CRISP2: variants seen among roughly 807,000 people sequenced by gnomAD.
The protein encoded by CRISP2 is cysteine rich secretory protein 2.
Under a neutral mutation model 31.7 loss-of-function variants are expected in CRISP2, and 29 were observed. The ratio of observed to expected loss-of-function variants is 0.92; its 90% CI spans 0.68 to 1.25. The LOEUF is 1.25. Ranked by LOEUF, CRISP2 falls within the 50% of genes most tolerant of loss-of-function variation. The pLI, the probability that CRISP2 is intolerant of heterozygous loss-of-function variation, is 0.00. For missense variants in CRISP2, 318 were observed against 286.5 expected, an observed-to-expected ratio of 1.11 and a Z score of -0.79; for synonymous variants, 111 against 101.4, an observed-to-expected ratio of 1.09 and a Z score of -0.57.
At chr6:49,695,725 C>A in intron 9 of CRISP2, 111 bp downstream of exon 9, 1 of 910,350 alleles carries the variant, frequency 1.1e-6, no homozygotes. Context: ...TGGGTTTTTT[C>A]ACCAATACAT....
the CRISP2 span, among the ~76,000 whole-genome samples, chr6:49,682,632 TTTC>T: frequency 0.027 from 1,867 of 70,118 alleles, 30 homozygotes; most frequent in African/African-American, 0.075. Context: ...TCTTTCTTTC[TTTC>T]TTTCTTTCTT....
intron 8 of CRISP2, among the ~76,000 whole-genome samples, chr6:49,696,244 T>A (rs1764723129): frequency 6.6e-6 from 1 of 152,194 alleles, no homozygotes; most frequent in East Asian, 1.9e-4. Context: ...ACTAAGGCAG[T>A]GTACCCCAAG....
downstream of CRISP2, among the ~76,000 whole-genome samples, chr6:49,691,043 T>C (rs949423216): frequency 1.3e-5 from 2 of 152,128 alleles, no homozygotes; most frequent in Admixed American, 1.3e-4. Context: ...TGAAAGTATT[T>C]ATAAAGGTTA....
chr6:49,693,687 C>G (rs937931120), intron 9 of CRISP2, among the ~76,000 whole-genome samples: 1 of 152,164 alleles, frequency 6.6e-6, no homozygotes, highest in African/African-American at 2.4e-5. Context: ...TGTCTTCAAG[C>G]TCACTGATTC....
chr6:49,677,209 G>A, the CRISP2 span, among the ~76,000 whole-genome samples: 7 of 152,038 alleles, frequency 4.6e-5, no homozygotes, highest in Admixed American at 2.0e-4. Context: ...TCTTGGCGAT[G>A]GTTTCATTCT....
chr6:49,713,945 G>A (rs945282736), upstream of CRISP2, among the ~76,000 whole-genome samples: 12 of 152,146 alleles, frequency 7.9e-5, no homozygotes, highest in Admixed American at 5.9e-4. Flanking sequence ...CGCTGCCAGT[G>A]TCATGCCAAC....
At chr6:49,694,667 C>A (rs1295076548) in intron 9 of CRISP2, among the ~76,000 whole-genome samples, 2 of 152,064 alleles carry the variant, frequency 1.3e-5, no homozygotes, top group Non-Finnish European at 2.9e-5. Flanking sequence ...CCAGCTGATA[C>A]CATGACAGAT....
At chr6:49,680,752 G>A in the CRISP2 span, among the ~76,000 whole-genome samples, 7 of 152,164 alleles carry the variant, frequency 4.6e-5, no homozygotes, top group Admixed American at 2.0e-4. Flanking sequence ...CTAATGATCC[G>A]TGATGTTGAA....
chr6:49,701,869 T>G (rs1409897496), intron 4 of CRISP2, among the ~76,000 whole-genome samples: 1 of 101,364 alleles, frequency 9.9e-6, no homozygotes, highest in Non-Finnish European at 1.8e-5. Flanking sequence ...TATTATTATA[T>G]ATTATGTATT....
At chr6:49,700,213 A>G (rs1030438484) in intron 5 of CRISP2, among the ~76,000 whole-genome samples, 8 of 152,280 alleles carry the variant, frequency 5.3e-5, no homozygotes, top group South Asian at 2.1e-4. Context: ...TTATATTTTA[A>G]TAGTAATAAG....
chr6:49,697,785 T>G (rs888683326), intron 8 of CRISP2, 75 bp downstream of exon 8: 11 of 1,603,926 alleles, frequency 6.9e-6, no homozygotes, highest in African/African-American at 6.7e-5. Flanking sequence ...TTCATTCTGG[T>G]TTAAGATATG....
downstream of CRISP2, among the ~76,000 whole-genome samples, chr6:49,689,691 G>A (rs1259205695): frequency 6.6e-6 from 1 of 152,002 alleles, no homozygotes; most frequent in African/African-American, 2.4e-5. Flanking sequence ...GAAACAAAAT[G>A]TACATTAAAT....
rs550967205 is a variant in CRISP2, at chr6:49,692,506, A to G, written c.*267T>C. On this transcript the variant is annotated 3_prime_UTR_variant, in exon 10 of 10. Transcript: ENST00000339139. ...CCAAAGTCCTAGTGACCTAAATCCT[A>G]TGGTTATACAGTTTTCAAAATCCTC... 10 of 267,604 alleles carry G rather than the reference A, an allele frequency of 3.7e-5. No individual in the cohort carries two copies. Among genetic ancestry groups the G allele is most frequent in the Non-Finnish European group, 6.4e-5 (9 of 141,398 alleles). The allele number at this position is 267,604 out of a possible 1,614,324, so 16.6% of individuals were successfully genotyped here.
the CRISP2 span, among the ~76,000 whole-genome samples, chr6:49,679,825 C>A: frequency 6.6e-6 from 1 of 152,072 alleles, no homozygotes; most frequent in Admixed American, 6.6e-5. Flanking sequence ...TGTGCCTCAG[C>A]CTCCCAAGTA....
At chr6:49,708,324 A>T (rs559384116) in intron 4 of CRISP2, among the ~76,000 whole-genome samples, 53 of 152,290 alleles carry the variant, frequency 3.5e-4, no homozygotes, top group African/African-American at 1.3e-3. Context: ...TAGGTGGTAG[A>T]CTCCAAAAAG....
At chr6:49,713,935 C>T (rs190885927), upstream of CRISP2, among the ~76,000 whole-genome samples, 53 of 152,234 alleles carry the variant, frequency 3.5e-4, 1 homozygote, top group African/African-American at 1.3e-3. Context: ...GTTTGCAGTG[C>T]GCTGCCAGTG....
chr6:49,692,497 C>A lies in CRISP2; in HGVS notation c.*276G>T. On this transcript the variant is annotated 3_prime_UTR_variant, in exon 10 of 10. Coordinates refer to ENST00000339139, the MANE Select transcript of CRISP2 (RefSeq NM_003296.4). The stretch of plus-strand genomic sequence containing the variant: ...CATTTTGATCCAAAGTCCTAGTGAC[C>A]TAAATCCTATGGTTATACAGTTTTC... The A allele has an allele frequency of 8.0e-6, 2 of 249,744 alleles. No individual in the cohort carries two copies. Among genetic ancestry groups the A allele is most frequent in the Non-Finnish European group, 1.5e-5 (2 of 130,528 alleles). 15.5% of individuals were successfully genotyped at this position (249,744 alleles called of 1,614,324 possible).
chr6:49,694,149 A>G (rs530310841), intron 9 of CRISP2, among the ~76,000 whole-genome samples: 2 of 152,276 alleles, frequency 1.3e-5, no homozygotes, highest in Admixed American at 6.5e-5. Context: ...TTATTAGATG[A>G]TGTTCTAAAC....
chr6:49,693,273 A>C (rs867337801), intron 9 of CRISP2, among the ~76,000 whole-genome samples: 1 of 152,186 alleles, frequency 6.6e-6, no homozygotes, highest in Admixed American at 6.5e-5. Flanking sequence ...CAAATATGGG[A>C]GCCATTAGCC....
Sources: gnomAD v4.1 joint callset for allele counts (sites outside exome capture counted in the v4.1 genomes callset) on GRCh38, gnomAD v4.1.1 for gene constraint, MANE v1.5 for transcripts, NCBI Gene and HGNC (gene_info 2026-07-23, HGNC 2026-07-21) for gene names.